The following ZBTB7A variants were observed in gnomAD, a reference collection of about 807,000 sequenced individuals.
ZBTB7A encodes the protein zinc finger and BTB domain-containing protein 7A.
In ZBTB7A, 7 loss-of-function variants were observed where a neutral mutation model predicts 26.7. The observed-to-expected ratio is 0.26, with a 90% CI of 0.15 to 0.49. ZBTB7A has a LOEUF of 0.49. Among genes scored for constraint, ZBTB7A ranks in the 20% least tolerant of loss-of-function variants. ZBTB7A has a pLI of 0.98. For missense variants in ZBTB7A, 617 were observed against 919.5 expected (o/e 0.67, Z 4.25); for synonymous variants, 452 against 441.0 (o/e 1.02, Z -0.31).
chr19:4,061,040 G>A (rs2040632954), intron 1 of ZBTB7A, among the ~76,000 whole-genome samples: 1 of 152,196 alleles, frequency 6.6e-6, no homozygotes, highest in Non-Finnish European at 1.5e-5. Context: ...TGGGGGATGG[G>A]GGTCGTAACA....
rs985898981 is a variant in ZBTB7A at position 4,048,616 on chromosome 19, A to C, written c.1263-372T>G. Among the ~76,000 whole-genome samples the C allele has an allele frequency of 6.6e-6, 1 of 151,962 alleles. No individual in the cohort carries two copies. Among genetic ancestry groups the C allele is most frequent in the Non-Finnish European group, 1.5e-5 (1 of 67,994 alleles). ...GAGGCCGAGGCGGGCGGATCACTTG[A>C]GGCCAGGAGTTCGAGACCAGCCTGA... is the stretch of plus-strand genomic sequence containing the variant. On this transcript the variant is annotated intron_variant, in intron 2 of 2. Transcript: ENST00000322357. The surrounding 1 kb of genome is among the most constrained non-coding windows in gnomAD (Gnocchi z 6.7).
intron 2 of ZBTB7A, among the ~76,000 whole-genome samples, chr19:4,050,011 T>C (rs1301406574): frequency 6.6e-6 from 1 of 152,028 alleles, no homozygotes; most frequent in Non-Finnish European, 1.5e-5. Flanking sequence ...GCAACTTCCG[T>C]CTCCCGGGTT....
At chr19:4,053,862 T>C in intron 2 of ZBTB7A, 109 bp downstream of exon 2, 1 of 1,298,794 alleles carries the variant, frequency 7.7e-7, no homozygotes, top group Non-Finnish European at 1.1e-6. Flanking sequence ...TATGTGTGCG[T>C]CTGCGTGCAT....
In ZBTB7A at chr19:4,047,227, G is replaced by A. The variant is rs2040431552; in HGVS notation, c.*525C>T. On this transcript the variant is annotated 3_prime_UTR_variant, in exon 3 of 3. Coordinates refer to ENST00000322357, the MANE Select transcript of ZBTB7A (RefSeq NM_015898.4). ...TGAGGAAGGAGGGTGCGGGTCGGGG[G>A]ACGGGGGCCCATTTTAACGTCCGCT... The A allele has an allele frequency of 6.6e-6, 1 of 152,186 alleles. No individual in the cohort carries two copies. Among genetic ancestry groups the A allele is most frequent in the African/African-American group, 2.4e-5 (1 of 41,414 alleles). The allele number at this position is 152,186 out of a possible 1,614,324, so 9.4% of individuals were successfully genotyped here.
At chr19:4,055,529 A>G (rs2040568800) in intron 1 of ZBTB7A, 1 of 972,488 alleles carries the variant, frequency 1.0e-6, no homozygotes, top group Non-Finnish European at 1.2e-6. Context: ...CTGGTCTCAA[A>G]CCCCTGGCCT....
Position 4,045,414 on chromosome 19 carries a change from C to G in ZBTB7A, c.*2338G>C, listed in dbSNP as rs897955194. 1 of 132,170 alleles carries G rather than the reference C, an allele frequency of 7.6e-6. No homozygotes were observed. Among genetic ancestry groups the G allele is most frequent in the Non-Finnish European group, 1.6e-5 (1 of 63,926 alleles). 8.2% of individuals were successfully genotyped at this position (132,170 alleles called of 1,614,324 possible). On this transcript the variant is annotated 3_prime_UTR_variant, in exon 3 of 3. Transcript: ENST00000322357. The surrounding 1 kb of genome is among the most constrained non-coding windows in gnomAD (Gnocchi z 4.1). ...TGTGACACTGGGGTGTGAACGCAGC[C>G]GGGGTGCTGTCACCCAGCCCCAGGG...
chr19:4,050,742 T>C (rs1023311153), intron 2 of ZBTB7A, among the ~76,000 whole-genome samples: 1 of 152,178 alleles, frequency 6.6e-6, no homozygotes, highest in African/African-American at 2.4e-5. Flanking sequence ...ATGTTTCAAG[T>C]CACTTTCACC....
At position 4,046,467 on chromosome 19, in the gene ZBTB7A, T is replaced by C. The variant is rs1272053917; in HGVS notation, c.*1285A>G. On this transcript the variant is annotated 3_prime_UTR_variant, in exon 3 of 3. Transcript: ENST00000322357. ...TTTTTTTTGTCTTTTCAACTTTTCA[T>C]AGAAGTTGGTTGTAACTTGTAAACA... 6.6e-6 allele frequency: 1 copy of C among 150,860 alleles called. No individual in the cohort carries two copies. The highest frequency in any genetic ancestry group is 1.4e-5 in the Non-Finnish European group (1 of 70,344). The allele number at this position is 150,860 out of a possible 1,614,324, so 9.3% of individuals were successfully genotyped here.
chr19:4,048,032 C>G lies in ZBTB7A; in HGVS notation c.1475G>C (p.Gly492Ala). The G allele has an allele frequency of 6.5e-7, 1 of 1,529,290 alleles. No individual in the cohort carries two copies. Among genetic ancestry groups the G allele is most frequent in the Admixed American group, 2.0e-5 (1 of 49,286 alleles). 94.7% of individuals were successfully genotyped at this position (1,529,290 alleles called of 1,614,324 possible). A position where few individuals can be genotyped will look rare whatever the true frequency, so the allele number is the denominator to read the frequency against. Residue 492 changes from glycine (G) to alanine (A), a missense_variant, in exon 3 of 3, where the codon GGC (glycine) becomes GCC (alanine). Around this residue, in one of 5 missense-constraint regions of ZBTB7A, gnomAD observed 27 missense variants for 38.7 expected, o/e 0.70. Coordinates refer to ENST00000322357, the MANE Select transcript of ZBTB7A (RefSeq NM_015898.4). The surrounding 1 kb of genome is among the most constrained non-coding windows in gnomAD (Gnocchi z 6.7). Reference sequence around the variant, plus strand: ...CTTGCGGCCGCGGCGCGAGGGGACGCCGTTGCAGCCGTCTTTCTTGAGGTG... The same window carrying G: ...CTTGCGGCCGCGGCGCGAGGGGACGGCGTTGCAGCCGTCTTTCTTGAGGTG... ...HRHLKKDGCN[G>A]VPSRRGRKPR...
intron 1 of ZBTB7A, among the ~76,000 whole-genome samples, chr19:4,057,456 C>T (rs1237501962): frequency 6.6e-6 from 1 of 152,162 alleles, no homozygotes; most frequent in Non-Finnish European, 1.5e-5. Context: ...GCACGGGCTT[C>T]GGCCGATACA....
At position 4,054,830 on chromosome 19, in the gene ZBTB7A, C is replaced by T. The variant is rs758761705; in HGVS notation, c.403G>A (p.Asp135Asn). 3 of 1,602,580 alleles carry T rather than the reference C, an allele frequency of 1.9e-6. No individual in the cohort carries two copies. Among genetic ancestry groups the T allele is most frequent in the East Asian group, 2.3e-5 (1 of 44,284 alleles). Residue 135 changes from aspartate to asparagine, a missense_variant, in exon 2 of 3, where the codon GAC becomes AAC. Asp to Asn is a conservative substitution (Grantham distance 23). Transcript: ENST00000322357. ...AGCTGCCCGGCGTCGGCGCCCGCGT[C>T]GGCCGCCAGGATCTGCCGGTCCAGG... The part of the protein sequence containing the change: ...DLLDRQILAA[D>N]AGADAGQLDL...
At chr19:4,060,142 G>A (rs1442588793) in intron 1 of ZBTB7A, among the ~76,000 whole-genome samples, 1 of 152,094 alleles carries the variant, frequency 6.6e-6, no homozygotes, top group Non-Finnish European at 1.5e-5. Context: ...CGAGGGGCAG[G>A]CCCTGGCAGG....
At position 4,046,173 on chromosome 19, in the gene ZBTB7A, G is replaced by C. The variant is rs2040413865; in HGVS notation, c.*1579C>G. ...AACCAAAAAAGGGGACAGAAAGGGGGAGCGGGGGGAACACAGCACGAACAC... is the reference window on the plus strand; with the variant it reads ...AACCAAAAAAGGGGACAGAAAGGGGCAGCGGGGGGAACACAGCACGAACAC... On this transcript the variant is annotated 3_prime_UTR_variant, in exon 3 of 3. Coordinates refer to ENST00000322357, the MANE Select transcript of ZBTB7A (RefSeq NM_015898.4). 5.0e-6 allele frequency: 2 copies of C among 398,006 alleles called. No individual in the cohort carries two copies. Among genetic ancestry groups the C allele is most frequent in the African/African-American group, 4.1e-5 (2 of 48,568 alleles). 24.7% of individuals were successfully genotyped at this position (398,006 alleles called of 1,614,324 possible). A position where few individuals can be genotyped will look rare whatever the true frequency, so the allele number is the denominator to read the frequency against.
chr19:4,048,488 C>T lies in ZBTB7A; in HGVS notation c.1263-244G>A, dbSNP rs1434046793. Among the ~76,000 whole-genome samples, 2 of 152,152 alleles carry T rather than the reference C, an allele frequency of 1.3e-5. No individual in the cohort carries two copies. The highest frequency in any genetic ancestry group is 6.5e-5 in the Admixed American group (1 of 15,272). On this transcript the variant is annotated intron_variant, in intron 2 of 2. Transcript: ENST00000322357. The surrounding 1 kb of genome is among the most constrained non-coding windows in gnomAD (Gnocchi z 6.7). ...TGAGTGCTGTGTGGCCTTGGGAAAA[C>T]GCTATGCCTCTCTGAACCCCGTTTC...
intron 1 of ZBTB7A, chr19:4,062,270 C>T (rs1389953501): frequency 1.3e-5 from 2 of 152,386 alleles, no homozygotes; most frequent in African/African-American, 2.4e-5. Flanking sequence ...GGGGCTGGTC[C>T]TTTGGCCACG....
At chr19:4,064,234 C>A (rs1414419598) in intron 1 of ZBTB7A, among the ~76,000 whole-genome samples, 2 of 152,228 alleles carry the variant, frequency 1.3e-5, no homozygotes, top group African/African-American at 2.4e-5. Flanking sequence ...ATAATAAATA[C>A]CCCCCGGACT....
intron 1 of ZBTB7A, among the ~76,000 whole-genome samples, chr19:4,055,799 G>A (rs2144996355): frequency 6.6e-6 from 1 of 152,184 alleles, no homozygotes; most frequent in Middle Eastern, 3.4e-3. Flanking sequence ...CTCCAGCCTG[G>A]GCAACAGAGC....
chr19:4,055,269 G>A, intron 1 of ZBTB7A, 22 bp from the exon 2 acceptor site: 1 of 1,447,054 alleles, frequency 6.9e-7, no homozygotes, highest in Non-Finnish European at 9.1e-7. Flanking sequence ...GGGAAGGAGA[G>A]GGCGCTCGTG....
chr19:4,050,692 A>C (rs2040493843), intron 2 of ZBTB7A, among the ~76,000 whole-genome samples: 1 of 152,200 alleles, frequency 6.6e-6, no homozygotes, highest in Non-Finnish European at 1.5e-5. Context: ...GATCGTGCAC[A>C]TTGACTACAC....
Sources: gnomAD v4.1 joint callset for allele counts (sites outside exome capture counted in the v4.1 genomes callset) on GRCh38, gnomAD v4.1.1 for gene constraint, gnomAD v4.1.1 regional missense constraint, Gnocchi (gnomAD v3.1) non-coding constraint, MANE v1.5 for transcripts, NCBI Gene and HGNC (gene_info 2026-07-23, HGNC 2026-07-21) for gene names.